GRIA2: variants seen among roughly 807,000 people sequenced by gnomAD.
GRIA2 encodes glutamate ionotropic receptor AMPA type subunit 2.
GRIA2 carries 14 observed loss-of-function variants against 97.3 expected under a neutral mutation model. The ratio of observed to expected loss-of-function variants is 0.14; its 90% CI spans 0.10 to 0.23. GRIA2 has a LOEUF of 0.23. Among genes scored for constraint, GRIA2 ranks in the 10% least tolerant of loss-of-function variants. GRIA2 has a pLI of 1.00. For missense variants in GRIA2, 558 were observed against 1,069.8 expected (o/e 0.52, Z 6.67); for synonymous variants, 412 against 387.8 (o/e 1.06, Z -0.73).
rs147195424 is a variant in GRIA2, at chr4:157,304,750, G to T, written c.469+959G>T. On this transcript the variant is annotated intron_variant, in intron 3 of 15. Coordinates refer to ENST00000264426, the MANE Select transcript of GRIA2 (RefSeq NM_001083619.3). ...AAATGAAAACCCAGAAGCCTATTTC[G>T]ACCAAGATAGGGCACCTTGTTAACC... Among the ~76,000 whole-genome samples, 299 of 152,152 alleles carry T rather than the reference G, an allele frequency of 2.0e-3. 2 individuals are homozygous for T. Among genetic ancestry groups the T allele is most frequent in the African/African-American group, 6.6e-3 (272 of 41,506 alleles).
intron 12 of GRIA2, among the ~76,000 whole-genome samples, chr4:157,356,496 T>C (rs2126990376): frequency 6.6e-6 from 1 of 152,134 alleles, no homozygotes; most frequent in South Asian, 2.1e-4. Flanking sequence ...TAAAATTTGC[T>C]CAAATGTAGA....
At chr4:157,321,339 G>T in intron 5 of GRIA2, 99 bp from the exon 6 acceptor site, 1 of 814,204 alleles carries the variant, frequency 1.2e-6, no homozygotes. Flanking sequence ...TATGTTCTTT[G>T]AAATATCTAA....
chr4:157,278,279 T>C (rs1348009730), intron 2 of GRIA2, among the ~76,000 whole-genome samples: 1 of 151,640 alleles, frequency 6.6e-6, no homozygotes, highest in Non-Finnish European at 1.5e-5. Context: ...AGTAGACAAA[T>C]AGATTATTGG....
chr4:157,220,154 A>T (rs913619044), upstream of GRIA2: 4 of 152,186 alleles, frequency 2.6e-5, no homozygotes, highest in African/African-American at 9.7e-5. Context: ...GGTGAGGAGG[A>T]TGACAGGGCT....
intron 2 of GRIA2, among the ~76,000 whole-genome samples, chr4:157,264,738 T>C (rs941702380): frequency 5.3e-5 from 8 of 152,178 alleles, no homozygotes; most frequent in Non-Finnish European, 1.2e-4. Context: ...AGGTTGCTAG[T>C]CCCATCTCTG....
intron 2 of GRIA2, among the ~76,000 whole-genome samples, chr4:157,253,350 C>G (rs528875503): frequency 5.2e-4 from 79 of 152,112 alleles, no homozygotes; most frequent in Non-Finnish European, 8.2e-4. Context: ...TTCCTGAGCT[C>G]AAGGGATCTA....
chr4:157,268,018 G>A (rs1242032661), intron 2 of GRIA2, among the ~76,000 whole-genome samples: 2 of 152,036 alleles, frequency 1.3e-5, no homozygotes, highest in East Asian at 1.9e-4. Flanking sequence ...TGAATGACAA[G>A]AAAGAGAGAT....
intron 3 of GRIA2, among the ~76,000 whole-genome samples, chr4:157,310,116 C>G (rs187111707): frequency 2.5e-4 from 38 of 152,218 alleles, no homozygotes; most frequent in African/African-American, 9.1e-4. Flanking sequence ...TCGAATTGAT[C>G]ATAATGACCA....
Position 157,221,674 on chromosome 4 carries a change from A to T in GRIA2, c.96A>T (p.Leu32=). 6.2e-7 allele frequency: 1 copy of T among 1,613,872 alleles called. No homozygotes were observed. Among genetic ancestry groups the T allele is most frequent in the Non-Finnish European group, 8.5e-7 (1 of 1,179,880 alleles). Residue 32 remains leucine, a synonymous_variant, in exon 2 of 16, where the codon CTA becomes CTT. Transcript: ENST00000264426. ...VSSNSIQIGG[L]FPRGADQEYS... is the part of the protein sequence containing the mutation. Reference sequence around the variant, plus strand: ...GCTGTTTGTTCTTTGCAGGGGGGCTATTTCCTAGGGGCGCCGATCAAGAAT... The same window carrying T: ...GCTGTTTGTTCTTTGCAGGGGGGCTTTTTCCTAGGGGCGCCGATCAAGAAT...
At chr4:157,307,112 T>A (rs888572181) in intron 3 of GRIA2, among the ~76,000 whole-genome samples, 1 of 152,192 alleles carries the variant, frequency 6.6e-6, no homozygotes, top group African/African-American at 2.4e-5. Context: ...TGGTTAATTA[T>A]AATGTCTAAA....
At position 157,352,718 on chromosome 4, in the gene GRIA2, TA is replaced by T. The variant is rs571562254; in HGVS notation, c.2044-7158del. Among the ~76,000 whole-genome samples, 196 of 92,670 alleles carry T rather than the reference TA, an allele frequency of 2.1e-3. 1 individual carries two copies. The highest frequency in any genetic ancestry group is 0.019 in the East Asian group (62 of 3,228). 60.8% of individuals were successfully genotyped at this position (92,670 alleles called of 152,430 possible). On this transcript the variant is annotated intron_variant, in intron 12 of 15. Transcript: ENST00000264426. Reference sequence around the variant, plus strand: ...CTAGGCGACAGAGTAAGACTCCATCTAAAAAAAAAAAAAAAAAAAACACACA... The same window carrying T: ...CTAGGCGACAGAGTAAGACTCCATCTAAAAAAAAAAAAAAAAAAACACACA...
intron 3 of GRIA2, among the ~76,000 whole-genome samples, chr4:157,312,406 A>C (rs919716669): frequency 6.6e-6 from 1 of 152,144 alleles, no homozygotes; most frequent in African/African-American, 2.4e-5. Context: ...TAAAGAAGAC[A>C]GCTGAGGGTG....
chr4:157,345,457 AAG>A (rs1215694172), intron 12 of GRIA2, among the ~76,000 whole-genome samples: 7 of 152,162 alleles, frequency 4.6e-5, no homozygotes, highest in Admixed American at 3.3e-4. Context: ...ACCTATAATT[AAG>A]AGAGAATTAG....
chr4:157,310,096 T>C (rs975239384), intron 3 of GRIA2, among the ~76,000 whole-genome samples: 4 of 152,176 alleles, frequency 2.6e-5, no homozygotes, highest in African/African-American at 9.7e-5. Flanking sequence ...TTCAAGTACA[T>C]TGATAGCTGT....
chr4:157,309,489 T>G (rs975135878), intron 3 of GRIA2, among the ~76,000 whole-genome samples: 1 of 151,876 alleles, frequency 6.6e-6, no homozygotes, highest in Non-Finnish European at 1.5e-5. Context: ...GTAGCTGGGA[T>G]TACAGGCGCC....
chr4:157,258,742 G>A (rs1159096720), intron 2 of GRIA2, among the ~76,000 whole-genome samples: 1 of 151,824 alleles, frequency 6.6e-6, no homozygotes, highest in Non-Finnish European at 1.5e-5. Context: ...AACATGTGAT[G>A]TCTCCCCGAA....
chr4:157,330,417 T>C (rs1003634439), intron 6 of GRIA2, among the ~76,000 whole-genome samples: 1 of 151,954 alleles, frequency 6.6e-6, no homozygotes, highest in Non-Finnish European at 1.5e-5. Flanking sequence ...AATTTTATTA[T>C]GATGTAGATA....
intron 12 of GRIA2, among the ~76,000 whole-genome samples, chr4:157,354,748 G>C (rs1000469889): frequency 7.9e-5 from 12 of 152,150 alleles, no homozygotes; most frequent in African/African-American, 1.9e-4. Flanking sequence ...CCAGCACTGA[G>C]AGGGGAAAAG....
chr4:157,274,995 G>C (rs1417398090), intron 2 of GRIA2, among the ~76,000 whole-genome samples: 3 of 151,494 alleles, frequency 2.0e-5, no homozygotes, highest in South Asian at 4.2e-4. Flanking sequence ...CAGTGTAAAA[G>C]TGTTCCTATT....
Sources: allele counts gnomAD v4.1 joint callset (sites outside exome capture counted in the v4.1 genomes callset), GRCh38; gene constraint gnomAD v4.1.1; transcripts MANE v1.5; gene names NCBI Gene and HGNC (gene_info 2026-07-23, HGNC 2026-07-21).